Variants in LRRC43 observed in about 807,000 individuals in gnomAD.
The protein encoded by LRRC43 is leucine rich repeat containing 43, also known as leucine-rich repeat-containing protein 43.
LRRC43 carries 62 observed loss-of-function variants against 64.3 expected under a neutral mutation model. That is an observed-to-expected ratio of 0.96 (90% CI 0.79 to 1.19). The LOEUF is 1.19. Ranked by LOEUF, LRRC43 falls within the 50% of genes most tolerant of loss-of-function variation. The pLI is 0.00. For missense variants in LRRC43, 868 were observed against 845.0 expected (o/e 1.03, Z -0.34); for synonymous variants, 422 against 382.3 (o/e 1.10, Z -1.21).
Position 122,184,313 on chromosome 12 carries a change from C to T in LRRC43, c.151-206C>T, listed in dbSNP as rs959631966. ...GTTTCACCGTGTTAGCCAGGATGGC[C>T]TCGATCTCTTGACCTCATGATCCGC... On this transcript the variant is annotated intron_variant, in intron 1 of 11. Transcript: ENST00000339777. The surrounding 1 kb of genome is among the most constrained non-coding windows in gnomAD (Gnocchi z 4.0). 6.6e-6 allele frequency among the ~76,000 whole-genome samples: 1 copy of T among 152,160 alleles called. No homozygotes were observed. The highest frequency in any genetic ancestry group is 1.5e-5 in the Non-Finnish European group (1 of 68,030).
chr12:122,171,244 G>A (rs1471401120), intron 1 of LRRC43, among the ~76,000 whole-genome samples: 1 of 152,210 alleles, frequency 6.6e-6, no homozygotes, highest in Non-Finnish European at 1.5e-5. Context: ...AGCTCAGGCT[G>A]GAAACTGGGC....
rs535003286 is a variant in LRRC43, at chr12:122,186,141, C to T, written c.412-49C>T. The T allele has an allele frequency of 6.2e-5, 64 of 1,034,856 alleles. No homozygotes were observed. In the Admixed American group the frequency reaches 7.7e-4, roughly 13 times the overall value. 64.1% of individuals were successfully genotyped at this position (1,034,856 alleles called of 1,614,324 possible). A position where few individuals can be genotyped will look rare whatever the true frequency, so the allele number is the denominator to read the frequency against. On this transcript the variant is annotated intron_variant, in intron 2 of 11. Coordinates refer to ENST00000339777, the MANE Select transcript of LRRC43 (RefSeq NM_001098519.2). ...CTAATGTGGACATGGGTTCTGTGCC[C>T]GTGCTCCCTCTCCTGCTACAGCCCT...
chr12:122,168,517 C>G (rs1414889598), intron 1 of LRRC43, among the ~76,000 whole-genome samples: 2 of 151,570 alleles, frequency 1.3e-5, no homozygotes, highest in Non-Finnish European at 2.9e-5. Context: ...TCGAGCTGAT[C>G]ACTCAAGTGA....
At chr12:122,201,168 C>A in intron 10 of LRRC43, 128 bp from the exon 11 acceptor site, 1 of 1,101,818 alleles carries the variant, frequency 9.1e-7, no homozygotes, top group Non-Finnish European at 1.4e-6. Flanking sequence ...GGGGCAGCCA[C>A]CCTCACCAGG....
At chr12:122,174,445 T>C (rs1414058578) in intron 1 of LRRC43, among the ~76,000 whole-genome samples, 2 of 152,218 alleles carry the variant, frequency 1.3e-5, no homozygotes, top group Non-Finnish European at 2.9e-5. Flanking sequence ...AGAAGGCACA[T>C]GAATGCATCT....
At chr12:122,182,853 C>T, upstream of LRRC43, 1 of 429,132 alleles carries the variant, frequency 2.3e-6, no homozygotes, top group South Asian at 3.8e-5. Context: ...GCCCTCTTCT[C>T]CTTTCTCCAT....
Position 122,187,689 on chromosome 12 carries a change from G to A in LRRC43, c.523-12G>A. 6.2e-7 allele frequency: 1 copy of A among 1,612,708 alleles called. No individual in the cohort carries two copies. The highest frequency in any genetic ancestry group is 1.7e-5 in the Admixed American group (1 of 59,998). On this transcript the variant is annotated splice_polypyrimidine_tract_variant and intron_variant, in intron 3 of 11. Transcript: ENST00000339777. ...GGCCCCATCGTCCCGGGCCTTCCGT[G>A]TGGTCTCCCAGGTGCTGGAGCTCTA...
At chr12:122,192,116 C>T (rs1347391198) in intron 6 of LRRC43, among the ~76,000 whole-genome samples, 1 of 151,884 alleles carries the variant, frequency 6.6e-6, no homozygotes, top group African/African-American at 2.4e-5. Context: ...CCCTTGTTCC[C>T]AGCCCCATTC....
Position 122,183,222 on chromosome 12 carries a change from C to T in LRRC43, c.78C>T (p.Thr26=), listed in dbSNP as rs1309861245. ...GGACTCAGCGGCCCGGGACCGGGAC[C>T]GTGAGCGCGGCCGTGCGCGAGCACT... is the stretch of plus-strand genomic sequence containing the variant. ...GPGTQRPGTG[T]VSAAVREHLR... The change falls in exon 1 of 12, where the codon ACC becomes ACT. Residue 26 remains threonine (T), a synonymous_variant. Coordinates refer to ENST00000339777, the MANE Select transcript of LRRC43 (RefSeq NM_001098519.2). 7 of 1,566,454 alleles carry T rather than the reference C, an allele frequency of 4.5e-6. No homozygotes were observed. The highest frequency in any genetic ancestry group is 3.4e-6 in the Non-Finnish European group (4 of 1,165,604).
In LRRC43 at chr12:122,201,329, G is replaced by A. The variant is rs1306154431; in HGVS notation, c.1843G>A (p.Glu615Lys). The change falls in exon 11 of 12, where the codon GAA becomes AAA. Residue 615 changes from glutamate (E) to lysine (K), a missense_variant and splice_region_variant. Physicochemically the swap from Glu to Lys is moderately conservative, Grantham distance 56 (BLOSUM62 1). Transcript: ENST00000339777. ...GAAGATTAAGAAAGTTGCCAAAAAA[G>A]GTGAGTGCCGATGGTGGTGACCAAA... Reference protein sequence around the residue: ...SKKIKKVAKKEKPKAVIPIYE... With the variant: ...SKKIKKVAKKKKPKAVIPIYE... The A allele has an allele frequency of 6.2e-7, 1 of 1,614,060 alleles. No homozygotes were observed. Among genetic ancestry groups the A allele is most frequent in the Non-Finnish European group, 8.5e-7 (1 of 1,179,922 alleles).
At position 122,200,459 on chromosome 12, in the gene LRRC43, AGG is replaced by A; in HGVS notation, c.1492-71_1492-70del. 6.2e-7 allele frequency: 1 copy of A among 1,611,402 alleles called. No homozygotes were observed. Among genetic ancestry groups the A allele is most frequent in the Non-Finnish European group, 8.5e-7 (1 of 1,177,988 alleles). ...ATGAGTTCTCAGCGCCATTCCAGAAAGGGTGAGGGAGAGGTGACCCCAGGCAG... is the reference window on the plus strand; with the variant it reads ...ATGAGTTCTCAGCGCCATTCCAGAAAGTGAGGGAGAGGTGACCCCAGGCAG... On this transcript the variant is annotated intron_variant, in intron 8 of 11. Transcript: ENST00000339777. The surrounding 1 kb of genome is among the most constrained non-coding windows in gnomAD (Gnocchi z 4.6).
chr12:122,186,799 G>A (rs561406125), intron 3 of LRRC43, among the ~76,000 whole-genome samples: 34 of 152,220 alleles, frequency 2.2e-4, no homozygotes, highest in African/African-American at 6.7e-4. Flanking sequence ...TGCGCCTGTA[G>A]TCCCAGCTGC....
chr12:122,189,998 G>A, intron 4 of LRRC43, 132 bp from the exon 5 acceptor site: 1 of 777,318 alleles, frequency 1.3e-6, no homozygotes, highest in Non-Finnish European at 2.2e-6. Context: ...TTGGGTCAAG[G>A]GTAGGACAGG....
intron 2 of LRRC43, among the ~76,000 whole-genome samples, chr12:122,185,081 GT>G (rs1953627937): frequency 6.6e-6 from 1 of 152,170 alleles, no homozygotes; most frequent in Non-Finnish European, 1.5e-5. Context: ...GTCTGTGTTA[GT>G]TTTACTTCGT....
At chr12:122,172,829 C>T in intron 1 of LRRC43, 2 of 1,031,136 alleles carry the variant, frequency 1.9e-6, no homozygotes, top group Non-Finnish European at 2.8e-6. Context: ...TCCTCCGTAA[C>T]CCGCCTCGTT....
In LRRC43 at chr12:122,184,822, C is replaced by G. The variant is rs200547603; in HGVS notation, c.411+43C>G. The G allele has an allele frequency of 4.0e-4, 625 of 1,557,472 alleles. 7 individuals carry two copies. In the East Asian group the frequency reaches 0.012, roughly 30 times the overall value. ...GGTAGGTGATGTTAGGGTGGCCGCTCCCCTAAGGGAGGTTGTGGGGAGGGC... is the reference window on the plus strand; with the variant it reads ...GGTAGGTGATGTTAGGGTGGCCGCTGCCCTAAGGGAGGTTGTGGGGAGGGC... On this transcript the variant is annotated intron_variant, in intron 2 of 11. Coordinates refer to ENST00000339777, the MANE Select transcript of LRRC43 (RefSeq NM_001098519.2). The surrounding 1 kb of genome is among the most constrained non-coding windows in gnomAD (Gnocchi z 4.0).
chr12:122,184,993 G>A lies in LRRC43; in HGVS notation c.411+214G>A, dbSNP rs1005554385. ...TTGCGTTTCTTCTTCCTTTACCCCT[G>A]GAAGCCATCATGGCACAGCTTCCAC... On this transcript the variant is annotated intron_variant, in intron 2 of 11. Coordinates refer to ENST00000339777, the MANE Select transcript of LRRC43 (RefSeq NM_001098519.2). This position sits in a 1 kb window ranked among gnomAD's most constrained non-coding sequence, Gnocchi z 4.0. Among the ~76,000 whole-genome samples the A allele has an allele frequency of 6.6e-6, 1 of 152,146 alleles. No individual in the cohort carries two copies. Among genetic ancestry groups the A allele is most frequent in the Admixed American group, 6.5e-5 (1 of 15,272 alleles).
intron 1 of LRRC43, among the ~76,000 whole-genome samples, chr12:122,176,362 G>C (rs1424708645): frequency 6.6e-6 from 1 of 152,164 alleles, no homozygotes; most frequent in Non-Finnish European, 1.5e-5. Context: ...GAGAGGACAG[G>C]AGGGTAGTGG....
intron 7 of LRRC43, among the ~76,000 whole-genome samples, chr12:122,198,960 T>C (rs567360632): frequency 6.7e-6 from 1 of 150,352 alleles, no homozygotes; most frequent in Non-Finnish European, 1.5e-5. Flanking sequence ...AACCAGTTAT[T>C]ATTGTCATAT....
Sources: gnomAD v4.1 joint callset for allele counts (sites outside exome capture counted in the v4.1 genomes callset) on GRCh38, gnomAD v4.1.1 for gene constraint, Gnocchi (gnomAD v3.1) non-coding constraint, MANE v1.5 for transcripts, NCBI Gene and HGNC (gene_info 2026-07-23, HGNC 2026-07-21) for gene names.